MTMR7: variants seen among roughly 807,000 people sequenced by gnomAD.
MTMR7 encodes the protein myotubularin related protein 7, also known as phosphatidylinositol-3-phosphate phosphatase MTMR7.
A neutral mutation model predicts 81.2 loss-of-function variants in MTMR7; 76 were observed. The ratio of observed to expected loss-of-function variants is 0.94; its 90% confidence interval spans 0.78 to 1.13. The LOEUF is 1.13. MTMR7 is among the 50% of genes most tolerant of loss of function. The pLI, the probability that MTMR7 is intolerant of heterozygous loss-of-function variation, is 0.00. For missense variants in MTMR7, 1,044 were observed against 820.0 expected (o/e 1.27, Z -3.34); for synonymous variants, 372 against 289.8 (o/e 1.28, Z -2.88).
At chr8:17,396,563 C>G (rs1821257614) in intron 1 of MTMR7, among the ~76,000 whole-genome samples, 3 of 152,086 alleles carry the variant, frequency 2.0e-5, no homozygotes, top group Non-Finnish European at 4.4e-5. Flanking sequence ...ATTGCCTATC[C>G]CAGTGGTCAG....
intron 11 of MTMR7, among the ~76,000 whole-genome samples, chr8:17,305,301 C>T (rs1419053395): frequency 6.6e-6 from 1 of 152,176 alleles, no homozygotes; most frequent in African/African-American, 2.4e-5. Context: ...TTTACTGTCA[C>T]TTATTTTAAA....
intron 7 of MTMR7, among the ~76,000 whole-genome samples, chr8:17,318,438 C>A (rs934593262): frequency 3.7e-4 from 57 of 152,192 alleles, no homozygotes; most frequent in African/African-American, 1.3e-3. Flanking sequence ...CACCCCAAGA[C>A]CCCGATATGA....
chr8:17,370,635 G>C (rs144415558), intron 3 of MTMR7, among the ~76,000 whole-genome samples: 1 of 149,482 alleles, frequency 6.7e-6, no homozygotes, highest in Non-Finnish European at 1.5e-5. Context: ...AGCATCAAGA[G>C]GGAGAAAACT....
chr8:17,308,770 G>C (rs1817628622), intron 10 of MTMR7, among the ~76,000 whole-genome samples: 1 of 152,088 alleles, frequency 6.6e-6, no homozygotes, highest in African/African-American at 2.4e-5. Flanking sequence ...AGACGTCCAA[G>C]GCCAGACAGT....
chr8:17,308,846 G>A (rs1302531094), intron 10 of MTMR7, among the ~76,000 whole-genome samples: 2 of 152,200 alleles, frequency 1.3e-5, no homozygotes, highest in African/African-American at 2.4e-5. Context: ...CCACTCCAGA[G>A]ACATCTGGGA....
intron 6 of MTMR7, among the ~76,000 whole-genome samples, chr8:17,337,362 C>CA (rs1554511150): frequency 0.11 from 10,244 of 89,330 alleles, 676 homozygotes; most frequent in East Asian, 0.29. Context: ...AACTCCGTCC[C>CA]AAAAAAAAAA....
rs1351319947 is a variant in MTMR7, at chr8:17,302,216, A to T, written c.1558T>A (p.Tyr520Asn). ...GMQPRQSVTD[Y>N]LMAVKEETQQ... is the part of the protein sequence containing the mutation. Reference sequence around the variant, plus strand: ...GTTTCTTCCTTCACTGCCATTAGGTAATCTGTAACTGACTGTCGGGGCTGC... The same window carrying T: ...GTTTCTTCCTTCACTGCCATTAGGTTATCTGTAACTGACTGTCGGGGCTGC... Residue 520 changes from tyrosine to asparagine, a missense_variant, in exon 13 of 14, where the codon TAC becomes AAC. Coordinates refer to ENST00000180173, the MANE Select transcript of MTMR7 (RefSeq NM_004686.5). The T allele has an allele frequency of 6.2e-7, 1 of 1,614,100 alleles. No individual in the cohort carries two copies. Among genetic ancestry groups the T allele is most frequent in the East Asian group, 2.2e-5 (1 of 44,874 alleles).
chr8:17,358,243 T>C (rs1819954598), intron 4 of MTMR7, among the ~76,000 whole-genome samples: 2 of 152,034 alleles, frequency 1.3e-5, no homozygotes, highest in South Asian at 2.1e-4. Flanking sequence ...AAGCAAACTC[T>C]GACAAAGAGA....
At chr8:17,362,558 C>T (rs953006743) in intron 3 of MTMR7, among the ~76,000 whole-genome samples, 2 of 152,152 alleles carry the variant, frequency 1.3e-5, no homozygotes, top group African/African-American at 2.4e-5. Flanking sequence ...AGCCAGTTAC[C>T]GGAGAGTCCA....
intron 4 of MTMR7, among the ~76,000 whole-genome samples, chr8:17,357,914 C>G (rs1819944587): frequency 6.6e-6 from 1 of 151,788 alleles, no homozygotes; most frequent in Non-Finnish European, 1.5e-5. Context: ...TTCTTTTTTT[C>G]CTTCTCTACT....
chr8:17,310,042 G>A (rs928103988), intron 9 of MTMR7, among the ~76,000 whole-genome samples: 3 of 152,002 alleles, frequency 2.0e-5, no homozygotes, highest in African/African-American at 7.3e-5. Flanking sequence ...ACTCAGCCAC[G>A]TAGGCTGGAG....
chr8:17,386,076 T>G (rs981125083), intron 1 of MTMR7, among the ~76,000 whole-genome samples: 10 of 152,262 alleles, frequency 6.6e-5, no homozygotes, highest in African/African-American at 2.4e-4. Context: ...GCACCCAGAC[T>G]ATTTATCAGA....
intron 12 of MTMR7, among the ~76,000 whole-genome samples, chr8:17,303,258 T>C (rs1817243951): frequency 6.6e-6 from 1 of 152,168 alleles, no homozygotes; most frequent in Non-Finnish European, 1.5e-5. Flanking sequence ...TCTCAACAGC[T>C]CTTAAAACTT....
At chr8:17,353,824 C>T in intron 4 of MTMR7, among the ~76,000 whole-genome samples, 1 of 152,160 alleles carries the variant, frequency 6.6e-6, no homozygotes, top group South Asian at 2.1e-4. Context: ...TCCTGGAGTG[C>T]CCACATCCCT....
intron 5 of MTMR7, chr8:17,346,232 T>G (rs773251228): frequency 6.6e-6 from 1 of 152,166 alleles, no homozygotes; most frequent in Non-Finnish European, 1.5e-5. Flanking sequence ...AACACAAATT[T>G]GATCATTATT....
intron 1 of MTMR7, among the ~76,000 whole-genome samples, chr8:17,384,615 G>T (rs1820871284): frequency 6.6e-6 from 1 of 152,130 alleles, no homozygotes; most frequent in African/African-American, 2.4e-5. Context: ...TGAAGCTATA[G>T]CAAATTCTCC....
chr8:17,316,117 C>T (rs1383892740), intron 7 of MTMR7, among the ~76,000 whole-genome samples: 1 of 152,308 alleles, frequency 6.6e-6, no homozygotes, highest in East Asian at 1.9e-4. Context: ...CCTTTCACTA[C>T]TTACATACTA....
rs555975581 is a variant in MTMR7, at chr8:17,342,713, A to G, written c.598-1216T>C. Among the ~76,000 whole-genome samples the G allele has an allele frequency of 2.4e-4, 36 of 152,224 alleles. No individual in the cohort carries two copies. In the South Asian group the frequency reaches 7.3e-3, roughly 31 times the overall value. Reference sequence around the variant, plus strand: ...CGCCAACACCATTCTGCAGAGACGGACAATCACTGAGGGGGTTAAAGGAAG... The same window carrying G: ...CGCCAACACCATTCTGCAGAGACGGGCAATCACTGAGGGGGTTAAAGGAAG... On this transcript the variant is annotated intron_variant, in intron 5 of 13. Coordinates refer to ENST00000180173, the MANE Select transcript of MTMR7 (RefSeq NM_004686.5).
chr8:17,411,660 A>G (rs1205322729), intron 1 of MTMR7, among the ~76,000 whole-genome samples: 1 of 152,202 alleles, frequency 6.6e-6, no homozygotes, highest in Non-Finnish European at 1.5e-5. Context: ...ATTTCCAGAT[A>G]AATAAGGATT....
Sources: gnomAD v4.1 joint callset for allele counts (sites outside exome capture counted in the v4.1 genomes callset) on GRCh38, gnomAD v4.1.1 for gene constraint, MANE v1.5 for transcripts, NCBI Gene and HGNC (gene_info 2026-07-23, HGNC 2026-07-21) for gene names.